RBM14: variants seen among roughly 807,000 people sequenced by gnomAD.
RBM14 encodes RNA binding motif protein 14, also known as RNA-binding protein 14.
RBM14 carries 5 observed loss-of-function variants against 52.8 expected under a neutral mutation model. The ratio of observed to expected loss-of-function variants is 0.09; its 90% CI spans 0.05 to 0.20. The LOEUF (loss-of-function observed/expected upper bound fraction) is 0.20. Among genes scored for constraint, RBM14 ranks in the 10% least tolerant of loss-of-function variants. RBM14 has a pLI of 1.00. For synonymous variants in RBM14, 411 were observed against 401.8 expected, an observed-to-expected ratio of 1.02 and a Z score of -0.28; for missense variants, 780 against 926.6, an observed-to-expected ratio of 0.84 and a Z score of 2.05.
Position 66,625,234 on chromosome 11 carries a change from C to T in RBM14, c.1358C>T (p.Ala453Val). The T allele has an allele frequency of 6.2e-7, 1 of 1,612,746 alleles. No homozygotes were observed. Among genetic ancestry groups the T allele is most frequent in the South Asian group, 1.1e-5 (1 of 91,078 alleles). The change falls in exon 2 of 3, where the codon GCC becomes GTC. Residue 453 changes from alanine (A) to valine (V), a missense_variant. Physicochemically the swap from Ala to Val is moderately conservative, Grantham distance 64. Transcript: ENST00000310137. The surrounding 1 kb of genome is among the most constrained non-coding windows in gnomAD (Gnocchi z 4.2). ...CAGCCAGCAGCCTACGCCGCACAAG[C>T]CACTACCCCAATGGCTGGCTCCTAT... ...ASQPAAYAAQ[A>V]TTPMAGSYGA... is the part of the protein sequence containing the mutation.
chr11:66,617,537 T>A, intron 1 of RBM14: 1 of 990,392 alleles, frequency 1.0e-6, no homozygotes, highest in Non-Finnish European at 1.2e-6. Context: ...CCGATGAATG[T>A]GCTCAAGCGG....
In RBM14 at chr11:66,616,644, C is replaced by T. The variant is rs1858846085; in HGVS notation, c.-77C>T. On this transcript the variant is annotated 5_prime_UTR_variant, in exon 1 of 3. Coordinates refer to ENST00000310137, the MANE Select transcript of RBM14 (RefSeq NM_006328.4). ...GGTCGCCAGCCATTCCTGAGGAGGA[C>T]TGCCGGTCGTTCGGACGTCTTGCCT... 1 of 1,482,424 alleles carries T rather than the reference C, an allele frequency of 6.7e-7. No homozygotes were observed. The highest frequency in any genetic ancestry group is 9.0e-7 in the Non-Finnish European group (1 of 1,112,498). 91.8% of individuals were successfully genotyped at this position (1,482,424 alleles called of 1,614,324 possible). A position where few individuals can be genotyped will look rare whatever the true frequency, so the allele number is the denominator to read the frequency against.
chr11:66,626,713 G>A lies in RBM14; in HGVS notation c.*45G>A, dbSNP rs200533475. On this transcript the variant is annotated 3_prime_UTR_variant, in exon 3 of 3. Coordinates refer to ENST00000310137, the MANE Select transcript of RBM14 (RefSeq NM_006328.4). ...ACCACAGGGAGGGAGGGAGAAAAGA[G>A]GTGGGTAGGGTTACAGATCCAGGTT... 434 of 1,509,684 alleles carry A rather than the reference G, an allele frequency of 2.9e-4. 1 individual carries two copies. In the African/African-American group the frequency reaches 5.3e-3, roughly 18 times the overall value. The allele number at this position is 1,509,684 out of a possible 1,614,324, so 93.5% of individuals were successfully genotyped here.
Position 66,625,521 on chromosome 11 carries a change from G to A in RBM14, c.1645G>A (p.Asp549Asn), listed in dbSNP as rs753725195. 1 of 1,612,840 alleles carries A rather than the reference G, an allele frequency of 6.2e-7. No homozygotes were observed. Among genetic ancestry groups the A allele is most frequent in the Non-Finnish European group, 8.5e-7 (1 of 1,179,586 alleles). The change falls in exon 2 of 3, where the codon GAT becomes AAT. Residue 549 changes from aspartate (D) to asparagine (N), a missense_variant. Asp to Asn is a conservative substitution (Grantham distance 23). Coordinates refer to ENST00000310137, the MANE Select transcript of RBM14 (RefSeq NM_006328.4). The surrounding 1 kb of genome is among the most constrained non-coding windows in gnomAD (Gnocchi z 4.2). ...SYRGQPGNAY[D>N]GAGQPSAAYL... The stretch of plus-strand genomic sequence containing the variant: ...CCGCGGCCAGCCAGGCAATGCCTAC[G>A]ATGGGGCAGGTCAGCCGTCTGCAGC...
At chr11:66,621,565 C>T (rs1438497078) in intron 1 of RBM14, among the ~76,000 whole-genome samples, 2 of 151,996 alleles carry the variant, frequency 1.3e-5, no homozygotes, top group East Asian at 3.9e-4. Flanking sequence ...TTAGTAAAGA[C>T]GGCGTTTCAC....
chr11:66,620,841 C>G (rs867489681), intron 1 of RBM14: 7 of 151,950 alleles, frequency 4.6e-5, no homozygotes, highest in Admixed American at 2.6e-4. Flanking sequence ...TTAATATTCC[C>G]TCAGAATGTC....
At chr11:66,622,181 G>T (rs1426539115) in intron 1 of RBM14, among the ~76,000 whole-genome samples, 1 of 151,034 alleles carries the variant, frequency 6.6e-6, no homozygotes, top group Non-Finnish European at 1.5e-5. Flanking sequence ...TTCCTAAAGT[G>T]TTGGGATTAC....
intron 1 of RBM14, chr11:66,617,511 G>C: frequency 1.0e-6 from 1 of 1,000,172 alleles, no homozygotes; most frequent in South Asian, 4.3e-5. Flanking sequence ...CCCCAAGGCC[G>C]CCCTCCTGTT....
At chr11:66,620,776 C>T (rs1022658471) in intron 1 of RBM14, 1 of 152,096 alleles carries the variant, frequency 6.6e-6, no homozygotes, top group African/African-American at 2.4e-5. Flanking sequence ...GTTTTTGTCT[C>T]ATTCTAGTGT....
intron 1 of RBM14, chr11:66,619,168 C>G (rs1209013087): frequency 2.6e-5 from 4 of 152,264 alleles, no homozygotes; most frequent in Non-Finnish European, 5.9e-5. Flanking sequence ...GCGACTGGCT[C>G]TCTAAAGAGC....
rs1217541680 is a variant in RBM14 at position 66,628,153 on chromosome 11, G to A, written c.*1485G>A. Reference sequence around the variant, plus strand: ...AGGACTCTTCTGTGCTTTTATTGTAGGGCTGGGGATCGAGGATCTGGGCAA... The same window carrying A: ...AGGACTCTTCTGTGCTTTTATTGTAAGGCTGGGGATCGAGGATCTGGGCAA... On this transcript the variant is annotated 3_prime_UTR_variant, in exon 3 of 3. Transcript: ENST00000310137. Among the ~76,000 whole-genome samples the A allele has an allele frequency of 6.6e-6, 1 of 152,138 alleles. No individual in the cohort carries two copies. The highest frequency in any genetic ancestry group is 1.5e-5 in the Non-Finnish European group (1 of 68,040).
chr11:66,616,659 A>C lies in RBM14; in HGVS notation c.-62A>C. 1.3e-6 allele frequency: 2 copies of C among 1,507,890 alleles called. No individual in the cohort carries two copies. Among genetic ancestry groups the C allele is most frequent in the East Asian group, 2.3e-5 (1 of 42,746 alleles). 93.4% of individuals were successfully genotyped at this position (1,507,890 alleles called of 1,614,324 possible). A position where few individuals can be genotyped will look rare whatever the true frequency, so the allele number is the denominator to read the frequency against. ...CTGAGGAGGACTGCCGGTCGTTCGG[A>C]CGTCTTGCCTGTCGCTGGAGGAGAG... On this transcript the variant is annotated 5_prime_UTR_variant, in exon 1 of 3. Coordinates refer to ENST00000310137, the MANE Select transcript of RBM14 (RefSeq NM_006328.4).
intron 1 of RBM14, chr11:66,618,928 G>A (rs1009260220): frequency 1.4e-5 from 3 of 218,158 alleles, no homozygotes; most frequent in Non-Finnish European, 2.7e-5. Flanking sequence ...AGAGTTAGAC[G>A]GAGTTTTGTG....
At position 66,616,975 on chromosome 11, in the gene RBM14, T is replaced by C. The variant is rs1858863513; in HGVS notation, c.255T>C (p.Asn85=). The change falls in exon 1 of 3, where the codon AAT becomes AAC. Residue 85 remains asparagine (N), a synonymous_variant. Transcript: ENST00000310137. ...ATACTTGGAAGATTTTCGTGGGCAA[T>C]GTGTCGGCTGCATGCACGAGCCAGG... is the stretch of plus-strand genomic sequence containing the variant. ...PLNTWKIFVG[N]VSAACTSQEL... is the part of the protein sequence containing the mutation. The C allele has an allele frequency of 6.2e-7, 1 of 1,612,236 alleles. No homozygotes were observed.
Position 66,626,567 on chromosome 11 carries a change from C to T in RBM14, c.1909C>T (p.Arg637Cys). The change falls in exon 3 of 3, where the codon CGC (arginine) becomes TGC (cysteine). Residue 637 changes from arginine to cysteine, a missense_variant. Physicochemically the swap from Arg to Cys is radical, Grantham distance 180 (BLOSUM62 -3). Transcript: ENST00000310137. The stretch of plus-strand genomic sequence containing the variant: ...GACAAAGTCCTCGCTGGATTACCGT[C>T]GCCTGCCCGATGCCCATTCCGATTA... ...SPTKSSLDYR[R>C]LPDAHSDYAR... The T allele has an allele frequency of 3.1e-6, 5 of 1,613,984 alleles. No homozygotes were observed. Among genetic ancestry groups the T allele is most frequent in the Non-Finnish European group, 4.2e-6 (5 of 1,180,044 alleles).
intron 1 of RBM14, chr11:66,620,998 A>G (rs549222397): frequency 4.0e-5 from 6 of 151,892 alleles, no homozygotes; most frequent in East Asian, 3.9e-4. Context: ...TTTTTTATTT[A>G]AAGATTTTTT....
intron 1 of RBM14, among the ~76,000 whole-genome samples, chr11:66,618,785 C>T (rs1029563715): frequency 6.6e-6 from 1 of 152,192 alleles, no homozygotes; most frequent in Non-Finnish European, 1.5e-5. Flanking sequence ...ACTCAGGCTT[C>T]TTGCTGGCTT....
chr11:66,618,916 TGA>T, intron 1 of RBM14: 1 of 241,372 alleles, frequency 4.1e-6, no homozygotes, highest in Non-Finnish European at 8.0e-6. Flanking sequence ...TGACTCCTTG[TGA>T]GAGTTAGACG....
At position 66,626,455 on chromosome 11, in the gene RBM14, G is replaced by T. The variant is rs765671789; in HGVS notation, c.1803-6G>T. ...CATTCACCAACTGTCTTCTTCTCTC[G>T]ACTAGGTATGGTTCCGACCGGCGTT... is the stretch of plus-strand genomic sequence containing the variant. On this transcript the variant is annotated splice_region_variant and splice_polypyrimidine_tract_variant and intron_variant, in intron 2 of 2. Coordinates refer to ENST00000310137, the MANE Select transcript of RBM14 (RefSeq NM_006328.4). 2.5e-6 allele frequency: 4 copies of T among 1,610,332 alleles called. No individual in the cohort carries two copies. The highest frequency in any genetic ancestry group is 3.4e-6 in the Non-Finnish European group (4 of 1,177,712).
Sources: allele counts gnomAD v4.1 joint callset (sites outside exome capture counted in the v4.1 genomes callset), GRCh38; gene constraint gnomAD v4.1.1; non-coding constraint Gnocchi (gnomAD v3.1); transcripts MANE v1.5; gene names NCBI Gene and HGNC (gene_info 2026-07-23, HGNC 2026-07-21).